LPP: variants seen among roughly 807,000 people sequenced by gnomAD.
LPP encodes the protein lipoma-preferred partner.
Under a neutral mutation model 60.4 loss-of-function variants are expected in LPP, and 38 were observed. The ratio of observed to expected loss-of-function variants is 0.63; its 90% confidence interval spans 0.49 to 0.83. The LOEUF (loss-of-function observed/expected upper bound fraction) is 0.83, where lower values mean the gene tolerates loss of function less well. Ranked by LOEUF, LPP falls within the 40% of genes least tolerant of loss-of-function variation. The pLI, the probability that LPP is intolerant of heterozygous loss-of-function variation, is 0.00. For missense variants in LPP, 902 were observed against 783.6 expected (o/e 1.15, Z -1.80); for synonymous variants, 328 against 290.8 (o/e 1.13, Z -1.30).
chr3:188,382,273 T>C (rs1777116984), intron 3 of LPP, among the ~76,000 whole-genome samples: 2 of 152,224 alleles, frequency 1.3e-5, no homozygotes, highest in Non-Finnish European at 2.9e-5. Context: ...TGTGTGTTTG[T>C]ACAGGTCTCC....
chr3:188,631,672 G>T (rs558873453), intron 7 of LPP, among the ~76,000 whole-genome samples: 1 of 152,190 alleles, frequency 6.6e-6, no homozygotes, highest in South Asian at 2.1e-4. Context: ...TAATTTCCAT[G>T]CTGGGTGTTA....
chr3:188,183,231 G>A (rs889110378), intron 1 of LPP, among the ~76,000 whole-genome samples: 10 of 152,132 alleles, frequency 6.6e-5, no homozygotes, highest in African/African-American at 2.4e-4. Context: ...ACGTCCTGGA[G>A]TATCCTTTCC....
At chr3:188,699,929 C>CA (rs1424577224) in intron 7 of LPP, among the ~76,000 whole-genome samples, 5 of 152,130 alleles carry the variant, frequency 3.3e-5, no homozygotes, top group Admixed American at 3.3e-4. Context: ...AGACTTGACA[C>CA]AGCTAAATAG....
At chr3:188,724,793 C>T (rs1334486878) in intron 8 of LPP, among the ~76,000 whole-genome samples, 7 of 152,168 alleles carry the variant, frequency 4.6e-5, no homozygotes, top group Non-Finnish European at 1.0e-4. Context: ...TAACTTTTAA[C>T]GATCCATGCC....
chr3:188,366,280 T>G (rs987506961), intron 3 of LPP, among the ~76,000 whole-genome samples: 2 of 152,238 alleles, frequency 1.3e-5, no homozygotes, highest in African/African-American at 4.8e-5. Context: ...TATTCACTCT[T>G]CAAATGATGG....
At chr3:188,266,354 C>T (rs934746402) in intron 2 of LPP, among the ~76,000 whole-genome samples, 2 of 152,258 alleles carry the variant, frequency 1.3e-5, no homozygotes, top group Admixed American at 6.5e-5. Flanking sequence ...GGCTTTCTGC[C>T]GCACAGACAG....
intron 8 of LPP, among the ~76,000 whole-genome samples, chr3:188,733,999 A>ATG (rs1560130845): frequency 1.3e-5 from 2 of 151,644 alleles, no homozygotes; most frequent in Non-Finnish European, 2.9e-5. Context: ...AAGTGTGTAT[A>ATG]TGTGTGTGTG....
At chr3:188,637,892 A>G (rs1293990636) in intron 7 of LPP, among the ~76,000 whole-genome samples, 1 of 151,098 alleles carries the variant, frequency 6.6e-6, no homozygotes, top group East Asian at 1.9e-4. Context: ...AACCAAAAAG[A>G]GTCCAGGACC....
chr3:188,696,098 T>C (rs1863178883), intron 7 of LPP, among the ~76,000 whole-genome samples: 1 of 152,166 alleles, frequency 6.6e-6, no homozygotes, highest in Non-Finnish European at 1.5e-5. Flanking sequence ...ATCTTTTGAC[T>C]GTAAAAGCAC....
chr3:188,243,977 G>A (rs1725939882), intron 2 of LPP, among the ~76,000 whole-genome samples: 1 of 152,144 alleles, frequency 6.6e-6, no homozygotes, highest in South Asian at 2.1e-4. Context: ...CCGGGTTCAA[G>A]CGATTCTCCT....
At chr3:188,476,312 A>T (rs1803216241) in intron 4 of LPP, among the ~76,000 whole-genome samples, 1 of 152,152 alleles carries the variant, frequency 6.6e-6, no homozygotes, top group Non-Finnish European at 1.5e-5. Context: ...CAACATCATT[A>T]TTTTGGTGAC....
At chr3:188,413,900 C>T (rs552118165) in intron 4 of LPP, among the ~76,000 whole-genome samples, 17 of 152,238 alleles carry the variant, frequency 1.1e-4, no homozygotes, top group African/African-American at 3.9e-4. Context: ...CCAACTGCCT[C>T]ACAAGATTGT....
intron 2 of LPP, among the ~76,000 whole-genome samples, chr3:188,304,937 A>G (rs1464593583): frequency 2.0e-5 from 3 of 152,226 alleles, no homozygotes; most frequent in Non-Finnish European, 4.4e-5. Flanking sequence ...GAAATAAATT[A>G]CATATTTATT....
chr3:188,641,629 G>C (rs1850148836), intron 7 of LPP, among the ~76,000 whole-genome samples: 1 of 152,224 alleles, frequency 6.6e-6, no homozygotes, highest in African/African-American at 2.4e-5. Flanking sequence ...TTCATTATGT[G>C]TTTTGCAAGG....
intron 9 of LPP, among the ~76,000 whole-genome samples, chr3:188,822,995 T>G (rs1438457424): frequency 6.6e-6 from 1 of 152,162 alleles, no homozygotes; most frequent in Non-Finnish European, 1.5e-5. Flanking sequence ...TGTCATGGGC[T>G]AGATGACATT....
chr3:188,331,846 T>C (rs750312549), intron 2 of LPP, among the ~76,000 whole-genome samples: 5 of 152,228 alleles, frequency 3.3e-5, no homozygotes, highest in Non-Finnish European at 7.3e-5. Context: ...TTAGGTTACT[T>C]AATCTTTCTA....
chr3:188,868,003 A>G (rs1767102230), intron 10 of LPP, among the ~76,000 whole-genome samples: 1 of 152,236 alleles, frequency 6.6e-6, no homozygotes, highest in Non-Finnish European at 1.5e-5. Context: ...GAATTAAAAA[A>G]TCCCAGAGGC....
intron 6 of LPP, among the ~76,000 whole-genome samples, chr3:188,583,624 C>T (rs913638842): frequency 3.9e-5 from 6 of 152,166 alleles, no homozygotes; most frequent in East Asian, 3.9e-4. Flanking sequence ...TCCATGAGGA[C>T]GATGACCATT....
At chr3:188,857,374 A>G (rs1270786901) in intron 9 of LPP, among the ~76,000 whole-genome samples, 4 of 152,228 alleles carry the variant, frequency 2.6e-5, no homozygotes, top group African/African-American at 7.2e-5. Flanking sequence ...TAGAAGAATG[A>G]GCCTTTCTCT....
Sources: allele counts gnomAD v4.1 joint callset (sites outside exome capture counted in the v4.1 genomes callset), GRCh38; gene constraint gnomAD v4.1.1; transcripts MANE v1.5; gene names NCBI Gene and HGNC (gene_info 2026-07-23, HGNC 2026-07-21).